ARHGAP10: variants seen among roughly 807,000 people sequenced by gnomAD.
The protein encoded by ARHGAP10 is Rho GTPase activating protein 10, also known as rho GTPase-activating protein 10.
ARHGAP10 carries 87 observed loss-of-function variants against 108.6 expected under a neutral mutation model. That is an observed-to-expected ratio of 0.80 (90% CI 0.67 to 0.96). The LOEUF (loss-of-function observed/expected upper bound fraction) is 0.96. Among genes scored for constraint, ARHGAP10 ranks in the 40% least tolerant of loss-of-function variants. The pLI, the probability that ARHGAP10 is intolerant of heterozygous loss-of-function variation, is 0.00. For missense variants in ARHGAP10, 939 were observed against 954.5 expected, an observed-to-expected ratio of 0.98 and a Z score of 0.21; for synonymous variants, 347 against 341.1, an observed-to-expected ratio of 1.02 and a Z score of -0.19.
rs77743884 is a variant in ARHGAP10 at position 147,893,844 on chromosome 4, G to A, written c.1034+11912G>A. 3.2e-3 allele frequency among the ~76,000 whole-genome samples: 481 copies of A among 152,122 alleles called. 20 individuals are homozygous for A. In the East Asian group the frequency reaches 0.087, roughly 27 times the overall value. On this transcript the variant is annotated intron_variant, in intron 10 of 22. Transcript: ENST00000336498. Reference sequence around the variant, plus strand: ...ATAGAACATGGAGTGGGTAGAATTAGAAACAGCATTTCTAGTATATAGGTC... The same window carrying A: ...ATAGAACATGGAGTGGGTAGAATTAAAAACAGCATTTCTAGTATATAGGTC...
chr4:147,912,968 A>G (rs1736818373), intron 12 of ARHGAP10, 106 bp from the exon 13 acceptor site: 3 of 1,120,018 alleles, frequency 2.7e-6, no homozygotes, highest in Non-Finnish European at 2.6e-6. Context: ...TTTTAATAGT[A>G]ATCTAAAAAT....
chr4:148,039,619 C>T (rs1423340306), intron 19 of ARHGAP10, among the ~76,000 whole-genome samples: 2 of 151,790 alleles, frequency 1.3e-5, no homozygotes, highest in Non-Finnish European at 2.9e-5. Flanking sequence ...ACTTCAATTT[C>T]CTTCTGCACT....
intron 15 of ARHGAP10, among the ~76,000 whole-genome samples, chr4:147,948,646 T>G (rs1738477208): frequency 6.6e-6 from 1 of 152,150 alleles, no homozygotes. Context: ...AGTCAGGTTT[T>G]ATTTTCTTTA....
intron 4 of ARHGAP10, among the ~76,000 whole-genome samples, chr4:147,857,123 A>G (rs1734122895): frequency 6.6e-6 from 1 of 152,202 alleles, no homozygotes; most frequent in South Asian, 2.1e-4. Flanking sequence ...AAGTGCTGAG[A>G]TTACAGGTGT....
intron 20 of ARHGAP10, among the ~76,000 whole-genome samples, chr4:148,049,073 C>G (rs949628771): frequency 1.3e-4 from 19 of 150,266 alleles, no homozygotes; most frequent in Non-Finnish European, 7.4e-5. Flanking sequence ...TAAAATGTTT[C>G]TTATGTATCT....
chr4:147,948,804 GA>G (rs561065780), intron 15 of ARHGAP10, among the ~76,000 whole-genome samples: 2,444 of 142,462 alleles, frequency 0.017, 50 homozygotes, highest in African/African-American at 0.04. Context: ...AAAAATACAA[GA>G]AAAAAAAAAA....
At chr4:147,892,935 G>C (rs1735843212) in intron 10 of ARHGAP10, among the ~76,000 whole-genome samples, 1 of 152,190 alleles carries the variant, frequency 6.6e-6, no homozygotes, top group Non-Finnish European at 1.5e-5. Context: ...CAGGGCACAG[G>C]GCAGGCTTCT....
At chr4:147,850,793 A>C (rs1249795426) in intron 4 of ARHGAP10, among the ~76,000 whole-genome samples, 1 of 152,198 alleles carries the variant, frequency 6.6e-6, no homozygotes, top group Non-Finnish European at 1.5e-5. Flanking sequence ...AGTTTCTCTA[A>C]GGCCTAGCTG....
At chr4:147,734,224 G>A (rs893337927) in intron 1 of ARHGAP10, among the ~76,000 whole-genome samples, 2 of 152,062 alleles carry the variant, frequency 1.3e-5, no homozygotes, top group African/African-American at 4.8e-5. Context: ...AAGCCAGTTT[G>A]GCCACTGGTA....
intron 19 of ARHGAP10, among the ~76,000 whole-genome samples, chr4:148,029,617 A>G (rs193006417): frequency 6.6e-6 from 1 of 152,226 alleles, no homozygotes; most frequent in Non-Finnish European, 1.5e-5. Context: ...TGGACTAAGC[A>G]GACCTTTGCA....
intron 1 of ARHGAP10, among the ~76,000 whole-genome samples, chr4:147,757,773 C>T (rs561335705): frequency 5.9e-5 from 9 of 152,214 alleles, no homozygotes; most frequent in South Asian, 4.1e-4. Flanking sequence ...AGCTAATTAC[C>T]ATTGTCCTTG....
chr4:148,037,602 AG>A (rs1473317595), intron 19 of ARHGAP10, among the ~76,000 whole-genome samples: 1 of 152,208 alleles, frequency 6.6e-6, no homozygotes. Flanking sequence ...TGGGAGGCCA[AG>A]GCAGGGGCGG....
At position 148,036,066 on chromosome 4, in the gene ARHGAP10, C is replaced by CTGTGTGTG. The variant is rs61692055; in HGVS notation, c.1868-10794_1868-10787dup. Among the ~76,000 whole-genome samples the CTGTGTGTG allele has an allele frequency of 2.7e-3, 383 of 142,858 alleles. 5 individuals carry two copies. Among genetic ancestry groups the CTGTGTGTG allele is most frequent in the African/African-American group, 6.6e-3 (256 of 38,910 alleles). The allele number at this position is 142,858 out of a possible 152,430, so 93.7% of individuals were successfully genotyped here. A position where few individuals can be genotyped will look rare whatever the true frequency, so the allele number is the denominator to read the frequency against. ...AATTTGTTTAATAAAGGAGCTGCCTCTGTGTGTGTGTGTGTGTGTGTGTGT... is the reference window on the plus strand; with the variant it reads ...AATTTGTTTAATAAAGGAGCTGCCTCTGTGTGTGTGTGTGTGTGTGTGTGTGTGTGTGT... On this transcript the variant is annotated intron_variant, in intron 19 of 22. Coordinates refer to ENST00000336498, the MANE Select transcript of ARHGAP10 (RefSeq NM_024605.4).
At chr4:147,846,020 A>C (rs1733616428) in intron 3 of ARHGAP10, among the ~76,000 whole-genome samples, 1 of 152,126 alleles carries the variant, frequency 6.6e-6, no homozygotes, top group African/African-American at 2.4e-5. Flanking sequence ...GTTGCTCTTA[A>C]TTCTTTCTTT....
chr4:147,769,008 G>C (rs1049867847), intron 1 of ARHGAP10, among the ~76,000 whole-genome samples: 3 of 152,022 alleles, frequency 2.0e-5, no homozygotes, highest in Admixed American at 2.0e-4. Flanking sequence ...AAAGTGCTGG[G>C]ATTACAGGTG....
At chr4:148,046,154 A>C (rs1023693598) in intron 19 of ARHGAP10, among the ~76,000 whole-genome samples, 5 of 152,186 alleles carry the variant, frequency 3.3e-5, no homozygotes, top group African/African-American at 9.7e-5. Context: ...TGCTCTTGTG[A>C]GCTCTCTTGT....
chr4:147,998,087 T>C (rs1055247617), intron 18 of ARHGAP10, among the ~76,000 whole-genome samples: 3 of 152,112 alleles, frequency 2.0e-5, no homozygotes, highest in African/African-American at 7.2e-5. Flanking sequence ...AGCATTCACC[T>C]ACTCCCCAAA....
At chr4:147,866,517 AG>A (rs1437369334) in intron 6 of ARHGAP10, 194 bp from the exon 7 acceptor site, 22 of 518,966 alleles carry the variant, frequency 4.2e-5, no homozygotes, top group Non-Finnish European at 6.1e-5. Flanking sequence ...AAGGGAAAAA[AG>A]CATCATTTTC....
At chr4:147,821,806 C>G (rs7655236) in intron 1 of ARHGAP10, among the ~76,000 whole-genome samples, 133,592 of 152,274 alleles carry the variant, frequency 0.88, 58,866 homozygotes, top group Non-Finnish European at 0.92. Flanking sequence ...AGAAGTCAGT[C>G]AACACCTTCT....
Sources: allele counts gnomAD v4.1 joint callset (sites outside exome capture counted in the v4.1 genomes callset), GRCh38; gene constraint gnomAD v4.1.1; transcripts MANE v1.5; gene names NCBI Gene and HGNC (gene_info 2026-07-23, HGNC 2026-07-21).